PRR5: variants seen among roughly 807,000 people sequenced by gnomAD.
The protein encoded by PRR5 is proline-rich protein 5.
Under a neutral mutation model 30.6 loss-of-function variants are expected in PRR5, and 25 were observed. The ratio of observed to expected loss-of-function variants is 0.82; its 90% CI spans 0.60 to 1.14. PRR5 has a LOEUF of 1.14. PRR5 is among the 50% of genes most tolerant of loss of function. PRR5 has a pLI of 0.00. For synonymous variants in PRR5, 286 were observed against 247.1 expected (o/e 1.16, Z -1.48); for missense variants, 600 against 547.1 (o/e 1.10, Z -0.96).
intron 3 of PRR5, 143 bp downstream of exon 3, chr22:44,725,435 C>T (rs1920927742): frequency 1.8e-6 from 2 of 1,100,002 alleles, no homozygotes; most frequent in African/African-American, 1.6e-5. Context: ...CGTTCCTTAT[C>T]TAGCCACGTG....
chr22:44,709,471 A>G (rs1399682810), intron 1 of PRR5, among the ~76,000 whole-genome samples: 2 of 152,116 alleles, frequency 1.3e-5, no homozygotes, highest in East Asian at 3.9e-4. Flanking sequence ...GGGAGCTGGA[A>G]AAGGCGGGGA....
intron 4 of PRR5, among the ~76,000 whole-genome samples, chr22:44,727,382 C>T (rs2147141602): frequency 6.6e-6 from 1 of 152,308 alleles, no homozygotes; most frequent in East Asian, 1.9e-4. Context: ...TGCTGCTTTG[C>T]TCGGGCTGTG....
chr22:44,706,240 C>G (rs1177831730), intron 1 of PRR5, among the ~76,000 whole-genome samples: 2 of 152,224 alleles, frequency 1.3e-5, no homozygotes, highest in African/African-American at 4.8e-5. Context: ...GTCATGAGAA[C>G]TGAGTCATTG....
chr22:44,737,597 G>T lies in PRR5; in HGVS notation c.*350G>T, dbSNP rs1380087009. ...GGCTCTGCCCACGCCGGGCCCCAAA[G>T]TGACCAGACTCCAGCACACCTGTCT... On this transcript the variant is annotated 3_prime_UTR_variant, in exon 8 of 8. Transcript: ENST00000336985. The T allele has an allele frequency of 7.9e-6, 2 of 253,228 alleles. No individual in the cohort carries two copies. The highest frequency in any genetic ancestry group is 7.6e-6 in the Non-Finnish European group (1 of 131,562). The allele number at this position is 253,228 out of a possible 1,614,324, so 15.7% of individuals were successfully genotyped here. A position where few individuals can be genotyped will look rare whatever the true frequency, so the allele number is the denominator to read the frequency against.
At chr22:44,719,056 C>T (rs1929532497) in intron 2 of PRR5, among the ~76,000 whole-genome samples, 1 of 151,456 alleles carries the variant, frequency 6.6e-6, no homozygotes, top group Admixed American at 6.6e-5. Context: ...TTTCTTCCTC[C>T]TAAGGTACAG....
chr22:44,723,616 A>T (rs1220968510), intron 2 of PRR5, among the ~76,000 whole-genome samples: 1 of 152,172 alleles, frequency 6.6e-6, no homozygotes, highest in African/African-American at 2.4e-5. Context: ...GCTACTGGGG[A>T]GGCTGAGGCA....
intron 2 of PRR5, among the ~76,000 whole-genome samples, chr22:44,724,853 G>C (rs1470585135): frequency 6.6e-6 from 1 of 152,240 alleles, no homozygotes; most frequent in African/African-American, 2.4e-5. Flanking sequence ...CAGGCGGAGA[G>C]AGGAGGAGCC....
Position 44,733,882 on chromosome 22 carries a change from A to G in PRR5, c.556-1145A>G, listed in dbSNP as rs1018722310. ...GCTCACCCCCAGGGACGTGGCCTGGACCGTGCCTCACTCCCTGCCTGGAGT... is the reference window on the plus strand; with the variant it reads ...GCTCACCCCCAGGGACGTGGCCTGGGCCGTGCCTCACTCCCTGCCTGGAGT... On this transcript the variant is annotated intron_variant, in intron 6 of 7. Transcript: ENST00000336985. Among the ~76,000 whole-genome samples the G allele has an allele frequency of 2.0e-5, 3 of 152,252 alleles. No homozygotes were observed. The South Asian group carries it at 6.2e-4, about 32-fold the overall frequency.
At chr22:44,695,008 T>TA (rs894543547) in intron 1 of PRR5, among the ~76,000 whole-genome samples, 3 of 151,996 alleles carry the variant, frequency 2.0e-5, no homozygotes, top group Non-Finnish European at 4.4e-5. Flanking sequence ...CCATCTCTAC[T>TA]AAAAATACAA....
chr22:44,672,236 G>T (rs1489283042), upstream of PRR5, among the ~76,000 whole-genome samples: 3 of 152,184 alleles, frequency 2.0e-5, no homozygotes, highest in African/African-American at 7.2e-5. Context: ...GTGTTACACG[G>T]ATACCCACAT....
At chr22:44,724,177 T>G (rs1044785682) in intron 2 of PRR5, among the ~76,000 whole-genome samples, 1 of 152,226 alleles carries the variant, frequency 6.6e-6, no homozygotes. Context: ...GGCTCATACC[T>G]GTAATCCCAA....
upstream of PRR5, among the ~76,000 whole-genome samples, chr22:44,698,163 A>G (rs6007249): frequency 0.38 from 58,408 of 151,918 alleles, 13,091 homozygotes; most frequent in African/African-American, 0.63. Flanking sequence ...GACCAAGGGG[A>G]TCCTCTACCA....
chr22:44,735,211 C>T, intron 7 of PRR5, 49 bp downstream of exon 7: 2 of 1,567,980 alleles, frequency 1.3e-6, no homozygotes, highest in African/African-American at 1.4e-5. Flanking sequence ...ACCACGGGCC[C>T]CATCCATTGT....
intron 1 of PRR5, among the ~76,000 whole-genome samples, chr22:44,711,006 C>A (rs1008120056): frequency 6.6e-6 from 1 of 151,310 alleles, no homozygotes; most frequent in Non-Finnish European, 1.5e-5. Context: ...GTAACTCGGC[C>A]GAGTTACCCA....
upstream of PRR5, among the ~76,000 whole-genome samples, chr22:44,674,945 CA>C (rs136918): frequency 0.57 from 79,549 of 140,156 alleles, 21,922 homozygotes; most frequent in African/African-American, 0.71. Context: ...GACGCTGTCT[CA>C]AAAAAAAAAA....
chr22:44,675,357 T>G (rs963118261), upstream of PRR5, among the ~76,000 whole-genome samples: 1 of 152,156 alleles, frequency 6.6e-6, no homozygotes, highest in Non-Finnish European at 1.5e-5. Context: ...CCTCCCAAAG[T>G]GCTGGGATTA....
At chr22:44,726,215 A>G (rs548673723) in intron 3 of PRR5, among the ~76,000 whole-genome samples, 1 of 152,280 alleles carries the variant, frequency 6.6e-6, no homozygotes, top group South Asian at 2.1e-4. Context: ...ATGGCAGCTG[A>G]CGGGCCCGGC....
rs1923496924 is a variant in PRR5 at position 44,737,469 on chromosome 22, CCAGGGGCCGGGCCAGAGA to C, written c.*224_*241del. On this transcript the variant is annotated 3_prime_UTR_variant, in exon 8 of 8. Coordinates refer to ENST00000336985, the MANE Select transcript of PRR5 (RefSeq NM_181333.4). The stretch of plus-strand genomic sequence containing the variant: ...TTCAGGCATCTGAGTCGGCGTTTAC[CCAGGGGCCGGGCCAGAGA>C]CGGGGGTCGGCCGCTCGCTCCCACG... 1.0e-6 allele frequency: 1 copy of C among 974,046 alleles called. No individual in the cohort carries two copies. The highest frequency in any genetic ancestry group is 1.4e-6 in the Non-Finnish European group (1 of 701,974). The allele number at this position is 974,046 out of a possible 1,614,324, so 60.3% of individuals were successfully genotyped here. A position where few individuals can be genotyped will look rare whatever the true frequency, so the allele number is the denominator to read the frequency against.
intron 1 of PRR5, among the ~76,000 whole-genome samples, chr22:44,713,220 G>A (rs1483358604): frequency 2.0e-5 from 3 of 152,178 alleles, no homozygotes; most frequent in Non-Finnish European, 4.4e-5. Flanking sequence ...ACAGAGGGTG[G>A]ATGTGGTGGA....
Sources: allele counts gnomAD v4.1 joint callset (sites outside exome capture counted in the v4.1 genomes callset), GRCh38; gene constraint gnomAD v4.1.1; transcripts MANE v1.5; gene names NCBI Gene and HGNC (gene_info 2026-07-23, HGNC 2026-07-21).